CELF2: variants seen among roughly 807,000 people sequenced by gnomAD.
CELF2 encodes the protein CUGBP Elav-like family member 2.
A neutral mutation model predicts 62.6 loss-of-function variants in CELF2; 8 were observed. The observed-to-expected ratio is 0.13, with a 90% CI of 0.07 to 0.23. The LOEUF is 0.23. Among genes scored for constraint, CELF2 ranks in the 10% least tolerant of loss-of-function variants. The pLI, the probability that CELF2 is intolerant of heterozygous loss-of-function variation, is 1.00. For missense variants in CELF2, 333 were observed against 671.0 expected (o/e 0.50, Z 5.56); for synonymous variants, 258 against 250.0 (o/e 1.03, Z -0.30).
intron 7 of CELF2, 128 bp from the exon 8 acceptor site, chr10:11,274,917 GCTCTGGGGACCT>G: frequency 1.4e-6 from 1 of 738,368 alleles, no homozygotes; most frequent in Non-Finnish European, 2.4e-6. Context: ...TACAGCCCCA[GCTCTGGGGACCT>G]TCAGTCCATC....
chr10:11,078,638 A>G lies in CELF2; in HGVS notation c.74+60475A>G, dbSNP rs188095554. On this transcript the variant is annotated intron_variant, in intron 1 of 12. Coordinates refer to ENST00000633077, the MANE Select transcript of CELF2 (RefSeq NM_001326342.2). The stretch of plus-strand genomic sequence containing the variant: ...TAGAGATGTAACACTGGACTTATTT[A>G]AAAGCTTAATGGGTGAATGAATAAT... 2.6e-5 allele frequency among the ~76,000 whole-genome samples: 4 copies of G among 152,336 alleles called. No individual in the cohort carries two copies. In the East Asian group the frequency reaches 5.8e-4, roughly 22 times the overall value.
the CELF2 span, among the ~76,000 whole-genome samples, chr10:10,514,138 T>C: frequency 6.6e-6 from 1 of 152,228 alleles, no homozygotes; most frequent in Non-Finnish European, 1.5e-5. Context: ...TCCAAGATGT[T>C]ATTCCCAGAC....
chr10:10,787,011 T>C, the CELF2 span, among the ~76,000 whole-genome samples: 1 of 152,000 alleles, frequency 6.6e-6, no homozygotes, highest in Non-Finnish European at 1.5e-5. Context: ...AGTTTTCAAG[T>C]GAATGATTTG....
At chr10:10,521,195 C>T in the CELF2 span, among the ~76,000 whole-genome samples, 2 of 152,154 alleles carry the variant, frequency 1.3e-5, no homozygotes, top group African/African-American at 2.4e-5. Context: ...GACAGTGAGT[C>T]GTTTGTCCCA....
At chr10:11,193,728 C>G (rs976794110) in intron 2 of CELF2, among the ~76,000 whole-genome samples, 1 of 152,154 alleles carries the variant, frequency 6.6e-6, no homozygotes, top group Non-Finnish European at 1.5e-5. Context: ...GCAGGTTTAA[C>G]CAAAAGAATG....
chr10:10,933,523 C>A (rs2066312598), intron 2 of CELF2, among the ~76,000 whole-genome samples: 2 of 152,058 alleles, frequency 1.3e-5, no homozygotes, highest in Admixed American at 6.6e-5. Context: ...CCCTATTATG[C>A]AATAGAGCAA....
intron 1 of CELF2, among the ~76,000 whole-genome samples, chr10:10,913,096 A>T (rs1281423762): frequency 6.6e-6 from 1 of 152,174 alleles, no homozygotes; most frequent in Non-Finnish European, 1.5e-5. Context: ...TTGTGTTTGT[A>T]TACAGACACA....
chr10:11,258,726 C>T (rs762805011), intron 5 of CELF2, among the ~76,000 whole-genome samples: 5 of 152,144 alleles, frequency 3.3e-5, no homozygotes, highest in Non-Finnish European at 5.9e-5. Context: ...TTTGCTCTGT[C>T]GCCAGGCCAG....
the CELF2 span, among the ~76,000 whole-genome samples, chr10:10,734,872 C>T: frequency 2.6e-5 from 4 of 152,194 alleles, no homozygotes; most frequent in Admixed American, 6.5e-5. Flanking sequence ...CAAACTGGGA[C>T]GACTGGGCTC....
At chr10:11,071,807 T>C (rs1832400769) in intron 1 of CELF2, 1 of 152,236 alleles carries the variant, frequency 6.6e-6, no homozygotes, top group Non-Finnish European at 1.5e-5. Context: ...CAGTTCTTCT[T>C]ACCTGGGACC....
the CELF2 span, among the ~76,000 whole-genome samples, chr10:10,540,406 G>A: frequency 6.6e-6 from 1 of 152,120 alleles, no homozygotes. Context: ...TGCTTTGGGG[G>A]CTATTGCAAC....
chr10:11,026,654 G>GTT (rs2059256883), intron 1 of CELF2, among the ~76,000 whole-genome samples: 1 of 152,148 alleles, frequency 6.6e-6, no homozygotes, highest in African/African-American at 2.4e-5. Flanking sequence ...AAGTTGTCTT[G>GTT]TTGCCCTTCT....
At position 11,306,828 on chromosome 10, in the gene CELF2, A is replaced by G. The variant is rs112451645; in HGVS notation, c.977-7311A>G. On this transcript the variant is annotated intron_variant, in intron 9 of 12. Transcript: ENST00000633077. The surrounding 1 kb of genome is among the most constrained non-coding windows in gnomAD (Gnocchi z 4.4). ...AGAAGTGAGAAATTATGTCCAGTTC[A>G]CTATAGCCAGCCTCCCAGTTTTTAA... Among the ~76,000 whole-genome samples, 80 of 152,236 alleles carry G rather than the reference A, an allele frequency of 5.3e-4. 1 individual carries two copies. The highest frequency in any genetic ancestry group is 1.9e-3 in the African/African-American group (79 of 41,524).
chr10:10,996,999 A>G (rs2054023054), intron 2 of CELF2, among the ~76,000 whole-genome samples: 1 of 151,846 alleles, frequency 6.6e-6, no homozygotes, highest in African/African-American at 2.4e-5. Context: ...ATTATCTTCA[A>G]CTCCTTGGTT....
rs1376310455 is a variant in CELF2, at chr10:11,220,795, C to T, written c.354+3288C>T. Among the ~76,000 whole-genome samples, 2 of 152,208 alleles carry T rather than the reference C, an allele frequency of 1.3e-5. No homozygotes were observed. The highest frequency in any genetic ancestry group is 2.9e-5 in the Non-Finnish European group (2 of 68,048). ...AAGTGGTTGCTGGATGCTCCAGCAACAGAAGAAATTTTAGGTACAGTGCCT... is the reference window on the plus strand; with the variant it reads ...AAGTGGTTGCTGGATGCTCCAGCAATAGAAGAAATTTTAGGTACAGTGCCT... On this transcript the variant is annotated intron_variant, in intron 3 of 12. Transcript: ENST00000633077. The surrounding 1 kb of genome is among the most constrained non-coding windows in gnomAD (Gnocchi z 4.4).
chr10:10,544,438 CG>C, the CELF2 span, among the ~76,000 whole-genome samples: 1 of 152,200 alleles, frequency 6.6e-6, no homozygotes, highest in African/African-American at 2.4e-5. Flanking sequence ...TTTGAACAAA[CG>C]GGTTTTCGCT....
rs1483303227 is a variant in CELF2 at position 11,191,120 on chromosome 10, T to C, written c.271+25438T>C. Among the ~76,000 whole-genome samples, 1 of 152,186 alleles carries C rather than the reference T, an allele frequency of 6.6e-6. No individual in the cohort carries two copies. Among genetic ancestry groups the C allele is most frequent in the East Asian group, 1.9e-4 (1 of 5,206 alleles). ...AAGCTGCTGGTCCTCTCTGAATCTGTTTTCTTGTCTGTAAATGGGGCCTGA... is the reference window on the plus strand; with the variant it reads ...AAGCTGCTGGTCCTCTCTGAATCTGCTTTCTTGTCTGTAAATGGGGCCTGA... On this transcript the variant is annotated intron_variant, in intron 2 of 12. Coordinates refer to ENST00000633077, the MANE Select transcript of CELF2 (RefSeq NM_001326342.2). The surrounding 1 kb of genome is among the most constrained non-coding windows in gnomAD (Gnocchi z 4.1).
chr10:10,898,759 AC>A (rs2062737110), intron 1 of CELF2, among the ~76,000 whole-genome samples: 1 of 152,192 alleles, frequency 6.6e-6, no homozygotes, highest in South Asian at 2.1e-4. Context: ...CCTTGAAACA[AC>A]CTGACCTAAT....
At position 10,844,610 on chromosome 10, in the gene CELF2, G is replaced by A. The variant is rs183022151; in HGVS notation, c.53+45793G>A. Reference sequence around the variant, plus strand: ...GCTGTTTTCTGACATTTGTAAATCAGTCATGCAAATTAACAAATGCCTTAT... The same window carrying A: ...GCTGTTTTCTGACATTTGTAAATCAATCATGCAAATTAACAAATGCCTTAT... On this transcript the variant is annotated intron_variant, in intron 1 of 13. Coordinates refer to the CELF2 transcript ENST00000636488. Among the ~76,000 whole-genome samples, 198 of 152,182 alleles carry A rather than the reference G, an allele frequency of 1.3e-3. 2 individuals are homozygous for A. The highest frequency in any genetic ancestry group is 0.01 in the Middle Eastern group (3 of 294).
Sources: allele counts gnomAD v4.1 joint callset (sites outside exome capture counted in the v4.1 genomes callset), GRCh38; gene constraint gnomAD v4.1.1; non-coding constraint Gnocchi (gnomAD v3.1); transcripts MANE v1.5; gene names NCBI Gene and HGNC (gene_info 2026-07-23, HGNC 2026-07-21).